The following AGO4 variants were observed in gnomAD, a reference collection of about 807,000 sequenced individuals.
AGO4 encodes the protein argonaute RISC component 4.
A neutral mutation model predicts 104.7 loss-of-function variants in AGO4; 33 were observed. The observed-to-expected ratio is 0.32, with a 90% CI of 0.24 to 0.42. The LOEUF is 0.42. Ranked by LOEUF, AGO4 falls within the 10% of genes least tolerant of loss-of-function variation. AGO4 has a pLI of 1.00. For missense variants in AGO4, 711 were observed against 1,083.4 expected (o/e 0.66, Z 4.83); for synonymous variants, 331 against 364.7 (o/e 0.91, Z 1.05).
intron 15 of AGO4, among the ~76,000 whole-genome samples, chr1:35,843,860 C>G (rs1016880072): frequency 6.6e-6 from 1 of 152,144 alleles, no homozygotes; most frequent in African/African-American, 2.4e-5. Flanking sequence ...TATTATTAAG[C>G]TATCTCATAG....
At chr1:35,852,540 A>G (rs948683849) in intron 17 of AGO4, among the ~76,000 whole-genome samples, 4 of 152,188 alleles carry the variant, frequency 2.6e-5, no homozygotes, top group South Asian at 2.1e-4. Context: ...GGAATTTCCT[A>G]TGTTCCATCA....
chr1:35,829,804 G>T (rs1309307917), intron 7 of AGO4, among the ~76,000 whole-genome samples: 1 of 132,116 alleles, frequency 7.6e-6, no homozygotes, highest in Non-Finnish European at 1.6e-5. Flanking sequence ...AGCCGAGATT[G>T]CACTCTAGCC....
intron 2 of AGO4, among the ~76,000 whole-genome samples, chr1:35,820,462 A>G (rs1366876128): frequency 2.0e-5 from 3 of 151,962 alleles, no homozygotes; most frequent in Non-Finnish European, 4.4e-5. Context: ...GGTTCAACTG[A>G]TTCCCTTGCC....
At chr1:35,831,712 T>A in intron 8 of AGO4, 100 bp from the exon 9 acceptor site, 1 of 1,550,784 alleles carries the variant, frequency 6.4e-7, no homozygotes, top group Non-Finnish European at 8.7e-7. Context: ...TATAACCAAA[T>A]TTTAATTTTT....
At chr1:35,812,156 G>C (rs1378644123) in intron 1 of AGO4, among the ~76,000 whole-genome samples, 3 of 150,718 alleles carry the variant, frequency 2.0e-5, no homozygotes, top group African/African-American at 7.3e-5. Flanking sequence ...AGCCTTCAGA[G>C]CTGTACAAAT....
At chr1:35,816,156 A>G (rs1643687238) in intron 1 of AGO4, among the ~76,000 whole-genome samples, 1 of 152,228 alleles carries the variant, frequency 6.6e-6, no homozygotes, top group Admixed American at 6.5e-5. Context: ...ACAATTTATA[A>G]TGATGCAGGC....
At chr1:35,820,616 C>T (rs1023878324) in intron 2 of AGO4, among the ~76,000 whole-genome samples, 23 of 152,042 alleles carry the variant, frequency 1.5e-4, no homozygotes, top group Non-Finnish European at 2.8e-4. Flanking sequence ...CTCTGCCCCT[C>T]AAAGTGCTGG....
intron 15 of AGO4, 133 bp from the exon 16 acceptor site, chr1:35,850,024 T>A: frequency 1.6e-6 from 1 of 607,674 alleles, no homozygotes; most frequent in Non-Finnish European, 2.9e-6. Context: ...GGATTCAACA[T>A]CTTGAATGAA....
At chr1:35,831,989 A>G (rs1375985759) in intron 9 of AGO4, 58 bp downstream of exon 9, 12 of 1,606,076 alleles carry the variant, frequency 7.5e-6, no homozygotes, top group African/African-American at 1.3e-5. Context: ...AAACAAAAGA[A>G]TAGAAAACTC....
chr1:35,820,895 A>G (rs1319886894), intron 2 of AGO4, among the ~76,000 whole-genome samples: 1 of 152,186 alleles, frequency 6.6e-6, no homozygotes, highest in East Asian at 1.9e-4. Flanking sequence ...TGTTTGCTCA[A>G]TTAAGACAAC....
intron 15 of AGO4, 27 bp from the exon 16 acceptor site, chr1:35,850,130 C>A: frequency 6.6e-7 from 1 of 1,517,282 alleles, no homozygotes; most frequent in Non-Finnish European, 8.9e-7. Context: ...ACTTTGATGA[C>A]TAATTACTTT....
rs1245772103 is a variant in AGO4, at chr1:35,808,983, G to C, written c.19+548G>C. On this transcript the variant is annotated intron_variant, in intron 1 of 17. Coordinates refer to ENST00000373210, the MANE Select transcript of AGO4 (RefSeq NM_017629.4). The surrounding 1 kb of genome is among the most constrained non-coding windows in gnomAD (Gnocchi z 5.2). ...ACAAAATGCCCACCCTTTCTGAAAG[G>C]CCCTGATGTCCCAAAGAACATGGTC... Among the ~76,000 whole-genome samples, 3 of 152,152 alleles carry C rather than the reference G, an allele frequency of 2.0e-5. No homozygotes were observed. Among genetic ancestry groups the C allele is most frequent in the Non-Finnish European group, 4.4e-5 (3 of 68,020 alleles).
At chr1:35,825,199 TA>T (rs1023904618) in intron 3 of AGO4, 113 bp from the exon 4 acceptor site, 93 of 1,099,824 alleles carry the variant, frequency 8.5e-5, no homozygotes, top group Non-Finnish European at 1.1e-4. Context: ...TACACAATTG[TA>T]AAAAAAAGTT....
At position 35,857,296 on chromosome 1, in the gene AGO4, A is replaced by G. The variant is rs1447052876; in HGVS notation, c.*3691A>G. The G allele has an allele frequency of 6.6e-6, 1 of 152,204 alleles. No homozygotes were observed. Among genetic ancestry groups the G allele is most frequent in the Non-Finnish European group, 1.5e-5 (1 of 68,016 alleles). 9.4% of individuals were successfully genotyped at this position (152,204 alleles called of 1,614,324 possible). On this transcript the variant is annotated 3_prime_UTR_variant, in exon 18 of 18. Coordinates refer to ENST00000373210, the MANE Select transcript of AGO4 (RefSeq NM_017629.4). The stretch of plus-strand genomic sequence containing the variant: ...TATCAATACTGTTGCAACTCCAAGA[A>G]GTTTTCCTTGTAAAATTAAAGGAAA...
chr1:35,823,697 C>G (rs566666265), intron 3 of AGO4, among the ~76,000 whole-genome samples: 1 of 152,108 alleles, frequency 6.6e-6, no homozygotes, highest in Admixed American at 6.5e-5. Flanking sequence ...TCCCAAAGTG[C>G]TGGGATTACA....
In AGO4 at chr1:35,808,334, GT is replaced by G; in HGVS notation, c.-81del. On this transcript the variant is annotated 5_prime_UTR_variant, in exon 1 of 18. Transcript: ENST00000373210. The surrounding 1 kb of genome is among the most constrained non-coding windows in gnomAD (Gnocchi z 5.2). Reference sequence around the variant, plus strand: ...AGCGCCAATATTCCGGAGATCAAGCGTTACGCGGCGGCGGCGGCGGCGGCGG... The same window carrying G: ...AGCGCCAATATTCCGGAGATCAAGCGTACGCGGCGGCGGCGGCGGCGGCGG... 1.2e-6 allele frequency: 1 copy of G among 869,036 alleles called. No homozygotes were observed. Among genetic ancestry groups the G allele is most frequent in the Admixed American group, 6.1e-5 (1 of 16,528 alleles). 53.8% of individuals were successfully genotyped at this position (869,036 alleles called of 1,614,324 possible).
At chr1:35,850,800 C>CAAAAAAAA in intron 16 of AGO4, 54 bp from the exon 17 acceptor site, 1 of 826,678 alleles carries the variant, frequency 1.2e-6, no homozygotes, top group Non-Finnish European at 1.7e-6. Flanking sequence ...AAAAAAAAAA[C>CAAAAAAAA]AAAAACAAAA....
At chr1:35,822,239 T>C (rs1369320822) in intron 2 of AGO4, among the ~76,000 whole-genome samples, 1 of 151,710 alleles carries the variant, frequency 6.6e-6, no homozygotes, top group Non-Finnish European at 1.5e-5. Context: ...GTGTCAAACT[T>C]AGATATCCAA....
rs766286349 is a variant in AGO4 at position 35,825,666 on chromosome 1, C to G, written c.489-13C>G. On this transcript the variant is annotated splice_polypyrimidine_tract_variant and intron_variant, in intron 4 of 17. Coordinates refer to ENST00000373210, the MANE Select transcript of AGO4 (RefSeq NM_017629.4). ...ATGTTTAATGTGACACATGCAAACT[C>G]TTATTTCTTCAGGTACACCCCAGTG... 5.2e-6 allele frequency: 8 copies of G among 1,534,230 alleles called. No homozygotes were observed. The highest frequency in any genetic ancestry group is 7.0e-6 in the Non-Finnish European group (8 of 1,144,806).
Sources: gnomAD v4.1 joint callset for allele counts (sites outside exome capture counted in the v4.1 genomes callset) on GRCh38, gnomAD v4.1.1 for gene constraint, Gnocchi (gnomAD v3.1) non-coding constraint, MANE v1.5 for transcripts, NCBI Gene and HGNC (gene_info 2026-07-23, HGNC 2026-07-21) for gene names.